The following PRKCE variants were observed in gnomAD, a reference collection of about 807,000 sequenced individuals.
PRKCE encodes protein kinase C epsilon.
In PRKCE, 16 loss-of-function variants were observed where a neutral mutation model predicts 85.4. That is an observed-to-expected ratio of 0.19 (90% CI 0.13 to 0.28). The LOEUF (loss-of-function observed/expected upper bound fraction) is 0.28, where lower values mean the gene tolerates loss of function less well. Ranked by LOEUF, PRKCE falls within the 10% of genes least tolerant of loss-of-function variation. PRKCE has a pLI of 1.00. For missense variants in PRKCE, 573 were observed against 975.2 expected (o/e 0.59, Z 5.49); for synonymous variants, 388 against 371.5 (o/e 1.04, Z -0.51).
intron 11 of PRKCE, among the ~76,000 whole-genome samples, chr2:46,112,781 A>C (rs906415133): frequency 2.0e-5 from 3 of 152,022 alleles, no homozygotes; most frequent in Non-Finnish European, 4.4e-5. Context: ...TGGCCTCCCA[A>C]AGTGCTGGGG....
At chr2:45,998,902 A>C (rs1704439966) in intron 6 of PRKCE, among the ~76,000 whole-genome samples, 1 of 152,174 alleles carries the variant, frequency 6.6e-6, no homozygotes, top group African/African-American at 2.4e-5. Flanking sequence ...AACAAATCCA[A>C]ATCTACTTTC....
intron 2 of PRKCE, among the ~76,000 whole-genome samples, chr2:45,856,766 A>G (rs1312119723): frequency 3.3e-5 from 5 of 152,102 alleles, no homozygotes; most frequent in African/African-American, 9.7e-5. Flanking sequence ...TATGAGATCA[A>G]CTTTTTAAGA....
rs1696940081 is a variant in PRKCE, at chr2:45,905,956, C to T, written c.412+62893C>T. Among the ~76,000 whole-genome samples, 1 of 152,304 alleles carries T rather than the reference C, an allele frequency of 6.6e-6. No homozygotes were observed. Among genetic ancestry groups the T allele is most frequent in the African/African-American group, 2.4e-5 (1 of 41,568 alleles). ...TGCCCACATGAAGGGCCGGGGTGGG[C>T]AGGCTATCTTCAGCGGTGATGCGCT... On this transcript the variant is annotated intron_variant, in intron 2 of 14. Transcript: ENST00000306156. This position sits in a 1 kb window ranked among gnomAD's most constrained non-coding sequence, Gnocchi z 4.4.
At chr2:45,828,364 C>T (rs1464154133) in intron 1 of PRKCE, among the ~76,000 whole-genome samples, 1 of 152,206 alleles carries the variant, frequency 6.6e-6, no homozygotes, top group Non-Finnish European at 1.5e-5. Context: ...AGCACCACTG[C>T]TCTCGAGTCT....
chr2:45,751,252 A>C (rs765970707), intron 1 of PRKCE, among the ~76,000 whole-genome samples: 1 of 152,224 alleles, frequency 6.6e-6, no homozygotes, highest in Non-Finnish European at 1.5e-5. Flanking sequence ...ATTGACTGAC[A>C]TGATACATGA....
At position 46,041,447 on chromosome 2, in the gene PRKCE, C is replaced by T. The variant is rs1708209347; in HGVS notation, c.1437+30930C>T. Reference sequence around the variant, plus strand: ...GAGAAAAACACACTTGCATATGTTTCCCTGCCCTAACTCAGTTCACATCCA... The same window carrying T: ...GAGAAAAACACACTTGCATATGTTTTCCTGCCCTAACTCAGTTCACATCCA... On this transcript the variant is annotated intron_variant, in intron 10 of 14. Coordinates refer to ENST00000306156, the MANE Select transcript of PRKCE (RefSeq NM_005400.3). This position sits in a 1 kb window ranked among gnomAD's most constrained non-coding sequence, Gnocchi z 5.5. 6.6e-6 allele frequency among the ~76,000 whole-genome samples: 1 copy of T among 152,150 alleles called. No homozygotes were observed. Among genetic ancestry groups the T allele is most frequent in the South Asian group, 2.1e-4 (1 of 4,828 alleles).
chr2:45,716,309 G>T (rs1481055183), intron 1 of PRKCE, among the ~76,000 whole-genome samples: 1 of 152,206 alleles, frequency 6.6e-6, no homozygotes, highest in Non-Finnish European at 1.5e-5. Flanking sequence ...TTGAGGTCAG[G>T]AGTTCAAGAT....
intron 9 of PRKCE, 134 bp downstream of exon 9, chr2:46,007,795 A>G: frequency 9.9e-6 from 10 of 1,007,760 alleles, no homozygotes; most frequent in Non-Finnish European, 1.4e-5. Flanking sequence ...TTGTAAGTGC[A>G]AATGACCTGA....
At chr2:45,694,938 G>A (rs2104122863) in intron 1 of PRKCE, among the ~76,000 whole-genome samples, 1 of 152,260 alleles carries the variant, frequency 6.6e-6, no homozygotes, top group South Asian at 2.1e-4. Flanking sequence ...CACATGAGGA[G>A]ATCGGTGTTT....
chr2:45,676,425 C>A (rs184125100), intron 1 of PRKCE, among the ~76,000 whole-genome samples: 1 of 152,296 alleles, frequency 6.6e-6, no homozygotes, highest in East Asian at 1.9e-4. Flanking sequence ...GGATACAGAG[C>A]CTTTTCCTCT....
chr2:45,968,108 C>T (rs1379489866), intron 2 of PRKCE, among the ~76,000 whole-genome samples: 1 of 152,188 alleles, frequency 6.6e-6, no homozygotes, highest in Admixed American at 6.5e-5. Flanking sequence ...TTGTTCTTGG[C>T]TCCATATACT....
At chr2:45,962,478 C>A (rs1480016859) in intron 2 of PRKCE, among the ~76,000 whole-genome samples, 1 of 152,202 alleles carries the variant, frequency 6.6e-6, no homozygotes, top group African/African-American at 2.4e-5. Context: ...TGAAAACGCC[C>A]ACCACCCCCC....
chr2:45,775,843 G>A (rs1440498505), intron 1 of PRKCE, among the ~76,000 whole-genome samples: 1 of 152,138 alleles, frequency 6.6e-6, no homozygotes, highest in Non-Finnish European at 1.5e-5. Context: ...CCCCACCCCT[G>A]CTTCTCCGGC....
intron 2 of PRKCE, among the ~76,000 whole-genome samples, chr2:45,890,981 C>T (rs1389864236): frequency 7.2e-5 from 11 of 152,138 alleles, no homozygotes; most frequent in Admixed American, 7.2e-4. Flanking sequence ...TCAATGAAGT[C>T]GCTTGCTTTG....
Position 45,744,500 on chromosome 2 carries a change from T to TTTTCTTTCTTTCTTTC in PRKCE, c.348+92064_348+92079dup, listed in dbSNP as rs1173068102. Among the ~76,000 whole-genome samples, 39 of 84,746 alleles carry TTTTCTTTCTTTCTTTC rather than the reference T, an allele frequency of 4.6e-4. 1 individual carries two copies. The highest frequency in any genetic ancestry group is 2.1e-3 in the African/African-American group (36 of 17,462). The allele number at this position is 84,746 out of a possible 152,430, so 55.6% of individuals were successfully genotyped here. A position where few individuals can be genotyped will look rare whatever the true frequency, so the allele number is the denominator to read the frequency against. ...TTCTTTCTTTCTTTTTCTTTCTTTC[T>TTTTCTTTCTTTCTTTC]TTTCTTTCTTTCTTTCTTTCTTTCT... On this transcript the variant is annotated intron_variant, in intron 1 of 14. Transcript: ENST00000306156.
intron 5 of PRKCE, among the ~76,000 whole-genome samples, chr2:45,982,315 A>G (rs965018919): frequency 4.6e-5 from 7 of 152,240 alleles, no homozygotes; most frequent in African/African-American, 1.7e-4. Flanking sequence ...GCATACACAC[A>G]TCATACACAC....
intron 1 of PRKCE, among the ~76,000 whole-genome samples, chr2:45,698,643 G>A (rs1678355682): frequency 2.6e-5 from 4 of 152,158 alleles, no homozygotes; most frequent in Admixed American, 2.6e-4. Flanking sequence ...GTCAGCAATG[G>A]AAGTAGGAAA....
chr2:45,754,891 G>A (rs867286), intron 1 of PRKCE, among the ~76,000 whole-genome samples: 44,766 of 152,160 alleles, frequency 0.29, 6,929 homozygotes, highest in East Asian at 0.39. Flanking sequence ...ATTGAGGTGC[G>A]AGGCTGCCAG....
intron 2 of PRKCE, among the ~76,000 whole-genome samples, chr2:45,953,454 C>G (rs1006523315): frequency 3.9e-5 from 6 of 152,214 alleles, no homozygotes. Context: ...TTCCCTCTCC[C>G]TGAACAGCCA....
Sources: gnomAD v4.1 joint callset for allele counts (sites outside exome capture counted in the v4.1 genomes callset) on GRCh38, gnomAD v4.1.1 for gene constraint, Gnocchi (gnomAD v3.1) non-coding constraint, MANE v1.5 for transcripts, NCBI Gene and HGNC (gene_info 2026-07-23, HGNC 2026-07-21) for gene names.